AAMDC: variants seen among roughly 807,000 people sequenced by gnomAD.
AAMDC encodes mth938 domain-containing protein.
Under a neutral mutation model 15.5 loss-of-function variants are expected in AAMDC, and 16 were observed. The ratio of observed to expected loss-of-function variants is 1.03; its 90% CI spans 0.70 to 1.57. The LOEUF is 1.57. Ranked by LOEUF, AAMDC falls within the 40% of genes most tolerant of loss-of-function variation. The probability of loss-of-function intolerance (pLI) is 0.00; values close to 1 mark genes in which losing one functional copy is unlikely to be tolerated. For missense variants in AAMDC, 141 were observed against 144.9 expected (o/e 0.97, Z 0.14); for synonymous variants, 51 against 51.6 (o/e 0.99, Z 0.05).
chr11:77,873,060 G>A (rs547301679), downstream of AAMDC, among the ~76,000 whole-genome samples: 1 of 152,316 alleles, frequency 6.6e-6, no homozygotes, highest in South Asian at 2.1e-4. Context: ...TGGCCTTTGT[G>A]AAGCCTTAGA....
chr11:77,857,889 G>A (rs575710743), intron 2 of AAMDC, among the ~76,000 whole-genome samples: 4 of 152,124 alleles, frequency 2.6e-5, no homozygotes, highest in Admixed American at 1.3e-4. Flanking sequence ...TAGAGACAGG[G>A]TTTCACCATA....
chr11:77,883,847 G>A (rs373879901), intron 5 of AAMDC: 2 of 1,612,708 alleles, frequency 1.2e-6, no homozygotes, highest in African/African-American at 1.3e-5. Flanking sequence ...CAAGCGGTGT[G>A]GGAGAGATAA....
chr11:77,843,824 C>A (rs1210976915), intron 2 of AAMDC, among the ~76,000 whole-genome samples: 1 of 152,094 alleles, frequency 6.6e-6, no homozygotes, highest in African/African-American at 2.4e-5. Flanking sequence ...AATGGACTTA[C>A]AGTTCCACAT....
chr11:77,884,377 G>A (rs1415772031), intron 5 of AAMDC, among the ~76,000 whole-genome samples: 1 of 152,184 alleles, frequency 6.6e-6, no homozygotes, highest in African/African-American at 2.4e-5. Context: ...AAGCAGCTAG[G>A]AAGTCATTTA....
At chr11:77,829,135 G>T (rs1252812930) in intron 1 of AAMDC, among the ~76,000 whole-genome samples, 1 of 152,146 alleles carries the variant, frequency 6.6e-6, no homozygotes, top group Non-Finnish European at 1.5e-5. Flanking sequence ...TGTCATGAGG[G>T]TGGGGCCCTA....
intron 1 of AAMDC, among the ~76,000 whole-genome samples, chr11:77,825,689 A>AT (rs1484975141): frequency 1.4e-5 from 2 of 147,784 alleles, no homozygotes; most frequent in Non-Finnish European, 1.5e-5. Flanking sequence ...CTTACTACCC[A>AT]TTTTTTTTGT....
intron 5 of AAMDC, among the ~76,000 whole-genome samples, chr11:77,887,003 T>C (rs1393710300): frequency 1.3e-5 from 2 of 150,662 alleles, no homozygotes; most frequent in South Asian, 4.3e-4. Context: ...GCAGGAAAGA[T>C]CCAAAATTGA....
chr11:77,870,267 G>A (rs1177863452), intron 3 of AAMDC, among the ~76,000 whole-genome samples: 4 of 146,866 alleles, frequency 2.7e-5, no homozygotes, highest in Non-Finnish European at 4.5e-5. Flanking sequence ...ATGATCTCCC[G>A]CCTCGGCCTC....
chr11:77,842,972 G>C (rs558521513), intron 2 of AAMDC, among the ~76,000 whole-genome samples: 1 of 152,262 alleles, frequency 6.6e-6, no homozygotes, highest in Non-Finnish European at 1.5e-5. Context: ...TCTACTTTCT[G>C]TTGTTATAGA....
At chr11:77,895,058 A>G (rs1952451894) in intron 5 of AAMDC, among the ~76,000 whole-genome samples, 1 of 152,238 alleles carries the variant, frequency 6.6e-6, no homozygotes, top group Non-Finnish European at 1.5e-5. Context: ...ACAGACATAG[A>G]TGGTGTTCCT....
intron 1 of AAMDC, among the ~76,000 whole-genome samples, chr11:77,829,423 T>C (rs1949321943): frequency 6.6e-6 from 1 of 152,222 alleles, no homozygotes; most frequent in Non-Finnish European, 1.5e-5. Flanking sequence ...TTTGGGTCAA[T>C]GGAACAGAAT....
chr11:77,822,981 C>T (rs1948988244), intron 1 of AAMDC, among the ~76,000 whole-genome samples: 1 of 152,032 alleles, frequency 6.6e-6, no homozygotes, highest in African/African-American at 2.4e-5. Context: ...TTTGGGAGGT[C>T]GAGACGGGCG....
intron 2 of AAMDC, among the ~76,000 whole-genome samples, chr11:77,860,697 G>A (rs982198277): frequency 6.6e-6 from 1 of 152,198 alleles, no homozygotes; most frequent in African/African-American, 2.4e-5. Context: ...CAGTCCAGGT[G>A]AATTGAGACA....
intron 2 of AAMDC, chr11:77,868,823 G>A (rs553912328): frequency 2.2e-4 from 46 of 210,296 alleles, no homozygotes; most frequent in Non-Finnish European, 4.4e-4. Context: ...ATTTGAACCC[G>A]GGTACCTTTC....
chr11:77,881,869 C>T (rs899789847), intron 5 of AAMDC, among the ~76,000 whole-genome samples: 1 of 151,262 alleles, frequency 6.6e-6, no homozygotes, highest in Non-Finnish European at 1.5e-5. Context: ...GACTGGGTAG[C>T]GACCATTCAG....
rs892625915 is a variant in AAMDC, at chr11:77,861,460, C to T, written c.133-8262C>T. ...AAGAGACAGTTAACCTCCTGGCCCT[C>T]AATGGTCAAGTATACCCGGGGCTCT... On this transcript the variant is annotated intron_variant, in intron 2 of 3. Transcript: ENST00000393427. Among the ~76,000 whole-genome samples the T allele has an allele frequency of 5.3e-5, 8 of 151,852 alleles. 1 individual carries two copies. The highest frequency in any genetic ancestry group is 4.6e-4 in the Admixed American group (7 of 15,232).
chr11:77,884,322 A>G (rs1229662263), intron 5 of AAMDC, among the ~76,000 whole-genome samples: 1 of 152,168 alleles, frequency 6.6e-6, no homozygotes, highest in African/African-American at 2.4e-5. Context: ...ACCAACCACC[A>G]GTATTTGGAG....
At chr11:77,833,383 T>C (rs1949542946) in intron 1 of AAMDC, among the ~76,000 whole-genome samples, 1 of 152,102 alleles carries the variant, frequency 6.6e-6, no homozygotes, top group South Asian at 2.1e-4. Context: ...GCATTAGATT[T>C]TCATAAGGGA....
At chr11:77,878,551 G>A (rs1291646826) in intron 5 of AAMDC, 3 of 506,678 alleles carry the variant, frequency 5.9e-6, no homozygotes, top group African/African-American at 5.9e-5. Flanking sequence ...GAGTTGCCCT[G>A]ACAAACACAC....
Sources: gnomAD v4.1 joint callset for allele counts (sites outside exome capture counted in the v4.1 genomes callset) on GRCh38, gnomAD v4.1.1 for gene constraint, MANE v1.5 for transcripts, NCBI Gene and HGNC (gene_info 2026-07-23, HGNC 2026-07-21) for gene names.